Variants in CCDC102B observed in about 807,000 individuals in gnomAD.
CCDC102B encodes coiled-coil domain containing 102B, also known as coiled-coil domain-containing protein 102B.
CCDC102B carries 75 observed loss-of-function variants against 57.4 expected under a neutral mutation model. The ratio of observed to expected loss-of-function variants is 1.31; its 90% CI spans 1.08 to 1.58. The LOEUF (loss-of-function observed/expected upper bound fraction) is 1.58. CCDC102B is among the 40% of genes most tolerant of loss of function. CCDC102B has a pLI of 0.00. For missense variants in CCDC102B, 636 were observed against 582.6 expected, an observed-to-expected ratio of 1.09 and a Z score of -0.94; for synonymous variants, 206 against 201.9, an observed-to-expected ratio of 1.02 and a Z score of -0.17.
intron 2 of CCDC102B, among the ~76,000 whole-genome samples, chr18:68,787,900 A>C (rs2035271673): frequency 6.6e-6 from 1 of 150,598 alleles, no homozygotes; most frequent in African/African-American, 2.4e-5. Flanking sequence ...TTGCTTTTCT[A>C]GTTCTTTTAA....
At chr18:68,960,706 G>A (rs180718750) in intron 6 of CCDC102B, among the ~76,000 whole-genome samples, 112 of 152,288 alleles carry the variant, frequency 7.4e-4, no homozygotes, top group African/African-American at 2.4e-3. Flanking sequence ...ATGAACAAAC[G>A]CCTCTGCCTT....
intron 4 of CCDC102B, among the ~76,000 whole-genome samples, chr18:68,857,363 T>G (rs866237872): frequency 1.2e-5 from 1 of 84,164 alleles, no homozygotes; most frequent in Non-Finnish European, 2.4e-5. Flanking sequence ...ATATATATAT[T>G]TATTTCTATA....
chr18:68,852,773 C>T (rs1644692823), intron 4 of CCDC102B, among the ~76,000 whole-genome samples: 2 of 152,054 alleles, frequency 1.3e-5, no homozygotes, highest in South Asian at 2.1e-4. Flanking sequence ...TATAACAATA[C>T]TTGATATTTG....
intron 2 of CCDC102B, among the ~76,000 whole-genome samples, chr18:68,741,490 A>G (rs1296154358): frequency 6.6e-6 from 1 of 152,194 alleles, no homozygotes; most frequent in Non-Finnish European, 1.5e-5. Context: ...ACAGAAATGA[A>G]GAAACTGTGA....
chr18:68,833,832 G>A (rs926733641), intron 1 of CCDC102B, among the ~76,000 whole-genome samples: 4 of 152,070 alleles, frequency 2.6e-5, no homozygotes, highest in African/African-American at 9.7e-5. Context: ...AATATTTGCA[G>A]GAATCATGGT....
chr18:68,895,732 G>A (rs140050871), intron 5 of CCDC102B, among the ~76,000 whole-genome samples: 2 of 151,684 alleles, frequency 1.3e-5, no homozygotes, highest in East Asian at 3.9e-4. Context: ...TATATGTATG[G>A]TATCATACTA....
intron 4 of CCDC102B, among the ~76,000 whole-genome samples, chr18:68,874,212 G>GTGTGTATA (rs1235797400): frequency 3.3e-5 from 4 of 120,590 alleles, no homozygotes; most frequent in African/African-American, 1.2e-4. Flanking sequence ...GTGTGTGTGT[G>GTGTGTATA]TATATATATA....
intron 4 of CCDC102B, among the ~76,000 whole-genome samples, chr18:68,867,563 A>G (rs529328096): frequency 6.6e-6 from 1 of 152,014 alleles, no homozygotes. Flanking sequence ...CCATGCCTTT[A>G]ACACCTACAC....
At chr18:68,807,204 T>A (rs2144699242) in intron 1 of CCDC102B, among the ~76,000 whole-genome samples, 1 of 152,240 alleles carries the variant, frequency 6.6e-6, no homozygotes, top group East Asian at 1.9e-4. Context: ...GATGGTGGCC[T>A]CTAGAAACAA....
At chr18:69,001,698 C>G (rs2145361758) in intron 6 of CCDC102B, among the ~76,000 whole-genome samples, 1 of 152,166 alleles carries the variant, frequency 6.6e-6, no homozygotes, top group African/African-American at 2.4e-5. Flanking sequence ...CTGGCTGTCT[C>G]AATTTCATAT....
chr18:68,960,881 G>A (rs1022483946), intron 6 of CCDC102B, among the ~76,000 whole-genome samples: 9 of 152,120 alleles, frequency 5.9e-5, no homozygotes, highest in African/African-American at 2.2e-4. Flanking sequence ...GGGGAAGGTG[G>A]TGTTAGCAAT....
At chr18:68,907,162 T>C (rs2040679789) in intron 6 of CCDC102B, among the ~76,000 whole-genome samples, 1 of 152,192 alleles carries the variant, frequency 6.6e-6, no homozygotes, top group East Asian at 1.9e-4. Context: ...AATTCTATTA[T>C]TTTGGTGTGA....
At chr18:68,790,027 T>G (rs1463840477) in intron 2 of CCDC102B, among the ~76,000 whole-genome samples, 40 of 137,792 alleles carry the variant, frequency 2.9e-4, no homozygotes, top group South Asian at 7.1e-4. Context: ...GTCCTTTCTG[T>G]TTGTTAGTTT....
chr18:68,799,576 C>T (rs1030072246), intron 1 of CCDC102B, among the ~76,000 whole-genome samples: 8 of 152,074 alleles, frequency 5.3e-5, no homozygotes, highest in African/African-American at 1.9e-4. Flanking sequence ...CAATTGAATT[C>T]TGCCATAATG....
intron 6 of CCDC102B, among the ~76,000 whole-genome samples, chr18:68,915,957 T>C (rs370272013): frequency 6.6e-6 from 1 of 152,282 alleles, no homozygotes; most frequent in Non-Finnish European, 1.5e-5. Context: ...AATTGAAATA[T>C]GTAAATAACA....
At chr18:68,926,148 A>G (rs916717360) in intron 6 of CCDC102B, among the ~76,000 whole-genome samples, 14 of 152,100 alleles carry the variant, frequency 9.2e-5, no homozygotes, top group Middle Eastern at 6.8e-3. Context: ...ATTCTTTCTT[A>G]AATATTTGAT....
In CCDC102B at chr18:68,749,999, C is replaced by T. The variant is rs572503155; in HGVS notation, c.-67+33405C>T. ...ACCATCAGAGTGAACAGGCAACCTA[C>T]AGAATGGGAAAAAAATTTTGCAATC... On this transcript the variant is annotated intron_variant, in intron 2 of 3. Coordinates refer to the CCDC102B transcript ENST00000578970. Among the ~76,000 whole-genome samples, 11 of 152,184 alleles carry T rather than the reference C, an allele frequency of 7.2e-5. No individual in the cohort carries two copies. The South Asian group carries it at 2.1e-3, about 29-fold the overall frequency.
chr18:68,900,454 G>A (rs899291505), intron 6 of CCDC102B, among the ~76,000 whole-genome samples: 17 of 151,986 alleles, frequency 1.1e-4, no homozygotes, highest in African/African-American at 3.6e-4. Context: ...CTGATATGAC[G>A]TAAAGTTTTT....
chr18:68,951,826 A>C (rs1383009044), intron 6 of CCDC102B, among the ~76,000 whole-genome samples: 1 of 151,890 alleles, frequency 6.6e-6, no homozygotes, highest in Admixed American at 6.6e-5. Flanking sequence ...AAGACAATAG[A>C]AAAACTGACA....
Sources: gnomAD v4.1 joint callset for allele counts (sites outside exome capture counted in the v4.1 genomes callset) on GRCh38, gnomAD v4.1.1 for gene constraint, MANE v1.5 for transcripts, NCBI Gene and HGNC (gene_info 2026-07-23, HGNC 2026-07-21) for gene names.